The following ERC1 variants were observed in gnomAD, a reference collection of about 807,000 sequenced individuals.
ERC1 encodes the protein ELKS/RAB6-interacting/CAST family member 1.
In ERC1, 56 loss-of-function variants were observed where a neutral mutation model predicts 132.0. The observed-to-expected ratio is 0.42, with a 90% CI of 0.34 to 0.53. ERC1 has a LOEUF of 0.53. Among genes scored for constraint, ERC1 ranks in the 20% least tolerant of loss-of-function variants. The pLI is 0.03. For synonymous variants in ERC1, 478 were observed against 476.1 expected, an observed-to-expected ratio of 1.00 and a Z score of -0.05; for missense variants, 1,202 against 1,349.9, an observed-to-expected ratio of 0.89 and a Z score of 1.72.
rs574229837 is a variant in ERC1, at chr12:1,440,430, T to A, written c.3025-4132T>A. Among the ~76,000 whole-genome samples, 250 of 150,876 alleles carry A rather than the reference T, an allele frequency of 1.7e-3. 6 individuals carry two copies. The highest frequency in any genetic ancestry group is 5.7e-3 in the African/African-American group (235 of 40,886). On this transcript the variant is annotated intron_variant, in intron 17 of 18. Coordinates refer to ENST00000360905, the MANE Select transcript of ERC1 (RefSeq NM_178040.4). ...ACCGTGTTAGCCAGGATGGTCTCGA[T>A]CTCCTGACCTCGTGATCTGCCCTCC... is the stretch of plus-strand genomic sequence containing the variant.
intron 15 of ERC1, among the ~76,000 whole-genome samples, chr12:1,326,036 T>C (rs1476294481): frequency 1.3e-5 from 2 of 152,192 alleles, no homozygotes; most frequent in South Asian, 2.1e-4. Flanking sequence ...CAAAAACTTC[T>C]TGTTCCTTTG....
At chr12:1,223,152 T>G (rs1466844957) in intron 12 of ERC1, among the ~76,000 whole-genome samples, 1 of 152,202 alleles carries the variant, frequency 6.6e-6, no homozygotes, top group Non-Finnish European at 1.5e-5. Context: ...GAAGGCATGT[T>G]CATAAAGTAC....
intron 7 of ERC1, among the ~76,000 whole-genome samples, chr12:1,129,949 G>A (rs185393598): frequency 7.2e-5 from 11 of 152,082 alleles, no homozygotes; most frequent in African/African-American, 1.7e-4. Context: ...GCCAAAACTC[G>A]CAAATCAATT....
In ERC1 at chr12:1,183,178, T is replaced by C. The variant is rs958891645; in HGVS notation, c.2017-103T>C. On this transcript the variant is annotated intron_variant, in intron 10 of 18. Coordinates refer to ENST00000360905, the MANE Select transcript of ERC1 (RefSeq NM_178040.4). The stretch of plus-strand genomic sequence containing the variant: ...TCCTTGTAATGGGAGTATGTCAGCA[T>C]TTGGTAATAGAAAGGAAATTACAGC... 3 of 643,934 alleles carry C rather than the reference T, an allele frequency of 4.7e-6. No homozygotes were observed. In the African/African-American group the frequency reaches 5.5e-5, roughly 12 times the overall value. 39.9% of individuals were successfully genotyped at this position (643,934 alleles called of 1,614,324 possible).
chr12:1,418,666 T>TTTTCTTTCTTTC (rs202159587), intron 17 of ERC1, among the ~76,000 whole-genome samples: 28 of 86,782 alleles, frequency 3.2e-4, no homozygotes, highest in African/African-American at 5.1e-4. Flanking sequence ...TCTCTCTTTC[T>TTTTCTTTCTTTC]TTTCTTTCTT....
intron 15 of ERC1, among the ~76,000 whole-genome samples, chr12:1,339,306 G>A (rs543969154): frequency 6.8e-6 from 1 of 147,062 alleles, no homozygotes; most frequent in East Asian, 2.0e-4. Context: ...AGTGGCAGAG[G>A]CAGCTCAGCT....
intron 15 of ERC1, among the ~76,000 whole-genome samples, chr12:1,360,164 A>C (rs1194820109): frequency 3.3e-5 from 5 of 152,106 alleles, no homozygotes; most frequent in Non-Finnish European, 2.9e-5. Flanking sequence ...CTGATTTTTA[A>C]ATTTCAGTTA....
intron 18 of ERC1, among the ~76,000 whole-genome samples, chr12:1,484,685 C>G (rs1378581906): frequency 7.3e-5 from 11 of 150,614 alleles, no homozygotes; most frequent in Non-Finnish European, 1.3e-4. Context: ...TCAAGCAATT[C>G]TCCTGCCTCA....
chr12:1,159,051 C>A (rs1042102505), intron 8 of ERC1, among the ~76,000 whole-genome samples: 3 of 152,002 alleles, frequency 2.0e-5, no homozygotes, highest in Non-Finnish European at 2.9e-5. Flanking sequence ...AGTATTTATA[C>A]ATGTTCAATA....
In ERC1 at chr12:1,298,555, AACAAAC is replaced by A. The variant is rs757984273; in HGVS notation, c.2780+8545_2780+8550del. 1.1e-3 allele frequency among the ~76,000 whole-genome samples: 159 copies of A among 144,994 alleles called. 6 individuals are homozygous for A. In the South Asian group the frequency reaches 0.023, roughly 21 times the overall value. On this transcript the variant is annotated intron_variant, in intron 15 of 18. Coordinates refer to ENST00000360905, the MANE Select transcript of ERC1 (RefSeq NM_178040.4). ...GAGACTCTGTCACAAAAAAAAAAAA[AACAAAC>A]AAACAAAGAAAAAGCACCTGAAGAG...
At chr12:1,137,173 G>C (rs1307868328) in intron 7 of ERC1, among the ~76,000 whole-genome samples, 2 of 142,480 alleles carry the variant, frequency 1.4e-5, no homozygotes, top group African/African-American at 5.3e-5. Context: ...ATCTCGGCTC[G>C]CTGCAACCTC....
At chr12:994,387 C>G (rs977413724) in intron 1 of ERC1, among the ~76,000 whole-genome samples, 3 of 152,022 alleles carry the variant, frequency 2.0e-5, no homozygotes, top group African/African-American at 7.2e-5. Context: ...CCAAGTCTTT[C>G]AGTGTACTAG....
chr12:1,062,625 A>G (rs1197057726), intron 2 of ERC1, among the ~76,000 whole-genome samples: 3 of 152,222 alleles, frequency 2.0e-5, no homozygotes, highest in African/African-American at 7.2e-5. Flanking sequence ...TTCGTGGCCT[A>G]ACATATGGTT....
chr12:1,358,390 T>C (rs1319397416), intron 15 of ERC1, among the ~76,000 whole-genome samples: 6 of 152,216 alleles, frequency 3.9e-5, no homozygotes, highest in Admixed American at 3.9e-4. Flanking sequence ...ATTTTCACTA[T>C]GGAATTGAAA....
chr12:1,455,472 C>T (rs566551170), intron 18 of ERC1, among the ~76,000 whole-genome samples: 36 of 152,280 alleles, frequency 2.4e-4, no homozygotes, highest in Middle Eastern at 3.4e-3. Context: ...CTTTCAGAAT[C>T]GCCGATCACT....
Position 1,259,710 on chromosome 12 carries a change from A to G in ERC1, c.2488-3324A>G, listed in dbSNP as rs576119329. On this transcript the variant is annotated intron_variant, in intron 13 of 18. Coordinates refer to ENST00000360905, the MANE Select transcript of ERC1 (RefSeq NM_178040.4). ...GCTAATTTTTTTGTATTTTCAGTAG[A>G]GACGGGGTTTCACCATGTTGGTCAG... Among the ~76,000 whole-genome samples the G allele has an allele frequency of 5.0e-3, 762 of 151,840 alleles. 10 individuals carry two copies. The highest frequency in any genetic ancestry group is 0.017 in the African/African-American group (719 of 41,446).
At chr12:1,408,831 A>G (rs1005432296) in intron 17 of ERC1, among the ~76,000 whole-genome samples, 12 of 152,244 alleles carry the variant, frequency 7.9e-5, no homozygotes, top group African/African-American at 2.7e-4. Context: ...GAAGGGAACC[A>G]TATTCCATTC....
At chr12:1,139,937 T>C (rs1463894065) in intron 7 of ERC1, among the ~76,000 whole-genome samples, 1 of 152,152 alleles carries the variant, frequency 6.6e-6, no homozygotes, top group African/African-American at 2.4e-5. Context: ...GGTAGATCTT[T>C]CCAGATTATA....
chr12:1,116,264 T>A (rs4131839), intron 7 of ERC1: 253,042 of 373,078 alleles, frequency 0.68, 88,054 homozygotes, highest in East Asian at 0.88. Flanking sequence ...TTTAAACTTT[T>A]GCCAAGTCTG....
Sources: gnomAD v4.1 joint callset for allele counts (sites outside exome capture counted in the v4.1 genomes callset) on GRCh38, gnomAD v4.1.1 for gene constraint, MANE v1.5 for transcripts, NCBI Gene and HGNC (gene_info 2026-07-23, HGNC 2026-07-21) for gene names.